Variants in HIVEP3 observed in about 807,000 individuals in gnomAD.
The protein encoded by HIVEP3 is transcription factor HIVEP3.
Under a neutral mutation model 152.8 loss-of-function variants are expected in HIVEP3, and 49 were observed. The observed-to-expected ratio is 0.32, with a 90% CI of 0.26 to 0.41. The LOEUF (loss-of-function observed/expected upper bound fraction) is 0.41. HIVEP3 is among the 10% of genes least tolerant of loss of function. The pLI, the probability that HIVEP3 is intolerant of heterozygous loss-of-function variation, is 1.00. For synonymous variants in HIVEP3, 1,269 were observed against 1,289.0 expected (o/e 0.98, Z 0.33); for missense variants, 2,790 against 3,103.3 (o/e 0.90, Z 2.40).
At chr1:41,541,154 A>T (rs1411376407) in intron 5 of HIVEP3, among the ~76,000 whole-genome samples, 1 of 152,166 alleles carries the variant, frequency 6.6e-6, no homozygotes, top group Non-Finnish European at 1.5e-5. Context: ...ATCCTGAGCA[A>T]GCACCCGCCC....
At chr1:41,814,526 A>G (rs1364559858) in intron 1 of HIVEP3, among the ~76,000 whole-genome samples, 1 of 152,222 alleles carries the variant, frequency 6.6e-6, no homozygotes, top group Non-Finnish European at 1.5e-5. Flanking sequence ...CGGCTTCCCT[A>G]AGGCTAGTGC....
chr1:41,582,111 A>T lies in HIVEP3; in HGVS notation c.2687T>A (p.Leu896His), dbSNP rs562719562. The T allele has an allele frequency of 6.2e-7, 1 of 1,614,022 alleles. No homozygotes were observed. Among genetic ancestry groups the T allele is most frequent in the Admixed American group, 1.7e-5 (1 of 60,018 alleles). The change falls in exon 4 of 9, where the codon CTC (leucine) becomes CAC (histidine). Residue 896 changes from leucine to histidine, a missense_variant. Coordinates refer to ENST00000372583, the MANE Select transcript of HIVEP3 (RefSeq NM_024503.5). The surrounding 1 kb of genome is among the most constrained non-coding windows in gnomAD (Gnocchi z 4.7). ...WPQRSQTLAQ[L>H]PAEKLPPKKK... ...TTTGGGTGGCAGCTTCTCAGCTGGG[A>T]GCTGGGCAAGTGTCTGGCTGCGCTG...
chr1:41,886,736 AAAG>A (rs1644353971), intron 1 of HIVEP3, among the ~76,000 whole-genome samples: 1 of 148,394 alleles, frequency 6.7e-6, no homozygotes, highest in African/African-American at 2.5e-5. Context: ...AAAAAAAAAA[AAAG>A]AAGGAAAAGA....
intron 1 of HIVEP3, among the ~76,000 whole-genome samples, chr1:41,983,617 T>C (rs1645306333): frequency 6.6e-6 from 1 of 152,056 alleles, no homozygotes; most frequent in Non-Finnish European, 1.5e-5. Context: ...CAGTCATACC[T>C]AAGCCAAACC....
Position 41,700,984 on chromosome 1 carries a change from T to G in HIVEP3, c.-789A>C. The G allele has an allele frequency of 5.1e-6, 5 of 984,846 alleles. No individual in the cohort carries two copies. The highest frequency in any genetic ancestry group is 6.0e-6 in the Non-Finnish European group (5 of 829,420). The allele number at this position is 984,846 out of a possible 1,614,324, so 61.0% of individuals were successfully genotyped here. On this transcript the variant is annotated 5_prime_UTR_variant, in exon 2 of 9. Transcript: ENST00000372583. ...GATTTCTAGAGCTTGGAGAACTGTG[T>G]TGGAGGGAGGCCTGTGGGAAGTAGA...
chr1:41,937,493 A>T (rs1334712477), intron 1 of HIVEP3, among the ~76,000 whole-genome samples: 1 of 152,242 alleles, frequency 6.6e-6, no homozygotes, highest in Non-Finnish European at 1.5e-5. Flanking sequence ...GCCACTAGCC[A>T]TATGTAGCTA....
chr1:41,742,246 C>G (rs754893667), intron 1 of HIVEP3, among the ~76,000 whole-genome samples: 3 of 152,194 alleles, frequency 2.0e-5, no homozygotes, highest in Non-Finnish European at 2.9e-5. Flanking sequence ...GTCTATCCAT[C>G]CATCTGTCCA....
At chr1:41,892,692 G>A (rs1644464396) in intron 1 of HIVEP3, among the ~76,000 whole-genome samples, 1 of 152,158 alleles carries the variant, frequency 6.6e-6, no homozygotes, top group African/African-American at 2.4e-5. Flanking sequence ...CTCCAAGAAA[G>A]GCAGCATGGG....
chr1:41,940,389 C>A (rs1219707771), intron 1 of HIVEP3, among the ~76,000 whole-genome samples: 1 of 152,172 alleles, frequency 6.6e-6, no homozygotes, highest in Non-Finnish European at 1.5e-5. Flanking sequence ...TATGCACCCT[C>A]TTTAAAGTGA....
At chr1:41,976,781 C>T (rs944418525) in intron 1 of HIVEP3, among the ~76,000 whole-genome samples, 9 of 152,138 alleles carry the variant, frequency 5.9e-5, no homozygotes, top group Admixed American at 3.3e-4. Flanking sequence ...AACATAGACA[C>T]GCACTCAGGG....
At chr1:41,531,842 A>G (rs796756327) in intron 5 of HIVEP3, among the ~76,000 whole-genome samples, 1 of 25,712 alleles carries the variant, frequency 3.9e-5, no homozygotes, top group Non-Finnish European at 8.0e-5. Flanking sequence ...GGAGGACAGG[A>G]GAGATGGAAG....
At position 41,582,743 on chromosome 1, in the gene HIVEP3, A is replaced by C; in HGVS notation, c.2055T>G (p.Ala685=). ...GCTCATGCTCAATCTGACTCTTTTC[A>C]GCTTCTGGAGATGTGTGGGTGCCTG... is the stretch of plus-strand genomic sequence containing the variant. ...ISAGTHTSPE[A]EKSQIEHEPW... The change falls in exon 4 of 9, where the codon GCT becomes GCG. Residue 685 remains alanine, a synonymous_variant. Transcript: ENST00000372583. This position sits in a 1 kb window ranked among gnomAD's most constrained non-coding sequence, Gnocchi z 4.7. The C allele has an allele frequency of 6.2e-7, 1 of 1,614,046 alleles. No homozygotes were observed. Among genetic ancestry groups the C allele is most frequent in the Non-Finnish European group, 8.5e-7 (1 of 1,180,020 alleles).
chr1:41,662,318 C>T lies in HIVEP3; in HGVS notation c.-720-33371G>A, dbSNP rs1287367052. On this transcript the variant is annotated intron_variant, in intron 2 of 8. Transcript: ENST00000372583. This position sits in a 1 kb window ranked among gnomAD's most constrained non-coding sequence, Gnocchi z 7.2. ...CGGCCCACGCGGCGCGGGGTGGGCG[C>T]GGGGCGGGCTGGCGGGCGGGCGCCG... 6.9e-6 allele frequency: 1 copy of T among 145,252 alleles called. No homozygotes were observed. Among genetic ancestry groups the T allele is most frequent in the African/African-American group, 2.5e-5 (1 of 40,594 alleles). 9.0% of individuals were successfully genotyped at this position (145,252 alleles called of 1,614,324 possible).
At chr1:41,783,682 A>G (rs1649183944) in intron 1 of HIVEP3, among the ~76,000 whole-genome samples, 1 of 152,192 alleles carries the variant, frequency 6.6e-6, no homozygotes, top group African/African-American at 2.4e-5. Context: ...TATTTTATAC[A>G]TACAGGAGAT....
In HIVEP3 at chr1:41,903,953, G is replaced by A. The variant is rs374356436; in HGVS notation, c.-801+14460C>T. On this transcript the variant is annotated intron_variant, in intron 1 of 8. Transcript: ENST00000372583. Reference sequence around the variant, plus strand: ...CTCTTTCTGTCACCCAGGCTAGAGTGCAGTGATACAATCTTGGCTCACTGC... The same window carrying A: ...CTCTTTCTGTCACCCAGGCTAGAGTACAGTGATACAATCTTGGCTCACTGC... 7.4e-5 allele frequency among the ~76,000 whole-genome samples: 11 copies of A among 148,104 alleles called. No individual in the cohort carries two copies. In the East Asian group the frequency reaches 1.4e-3, roughly 18 times the overall value.
chr1:41,865,957 T>G (rs1285224485), intron 1 of HIVEP3, among the ~76,000 whole-genome samples: 6 of 152,210 alleles, frequency 3.9e-5, no homozygotes, highest in African/African-American at 1.4e-4. Context: ...ACAAGGCTTT[T>G]ATGGTAGAAG....
intron 1 of HIVEP3, among the ~76,000 whole-genome samples, chr1:41,815,427 C>T (rs1280933872): frequency 1.3e-5 from 2 of 152,224 alleles, no homozygotes; most frequent in East Asian, 3.9e-4. Context: ...GCTATGATCA[C>T]ACCACCGCAC....
rs116526263 is a variant in HIVEP3, at chr1:41,866,137, C to T, written c.-801+52276G>A. On this transcript the variant is annotated intron_variant, in intron 1 of 8. Coordinates refer to ENST00000372583, the MANE Select transcript of HIVEP3 (RefSeq NM_024503.5). Reference sequence around the variant, plus strand: ...ACAGTGGACTCTCAGGAATCTTCAGCACCCTTTACACCAGCAGTGGTCAAA... The same window carrying T: ...ACAGTGGACTCTCAGGAATCTTCAGTACCCTTTACACCAGCAGTGGTCAAA... Among the ~76,000 whole-genome samples the T allele has an allele frequency of 1.1e-3, 174 of 152,338 alleles. 1 individual carries two copies. The highest frequency in any genetic ancestry group is 3.9e-3 in the African/African-American group (161 of 41,566).
chr1:42,011,989 T>C (rs115556531), intron 1 of HIVEP3, among the ~76,000 whole-genome samples: 4 of 152,202 alleles, frequency 2.6e-5, no homozygotes, highest in Non-Finnish European at 4.4e-5. Context: ...GGAAGTGACA[T>C]AGGGATGTCC....
Sources: gnomAD v4.1 joint callset for allele counts (sites outside exome capture counted in the v4.1 genomes callset) on GRCh38, gnomAD v4.1.1 for gene constraint, Gnocchi (gnomAD v3.1) non-coding constraint, MANE v1.5 for transcripts, NCBI Gene and HGNC (gene_info 2026-07-23, HGNC 2026-07-21) for gene names.